The following LMO4 variants were observed in gnomAD, a reference collection of about 807,000 sequenced individuals.
The protein encoded by LMO4 is LIM domain only 4, also known as LIM domain transcription factor LMO4.
LMO4 carries 3 observed loss-of-function variants against 18.5 expected under a neutral mutation model. The ratio of observed to expected loss-of-function variants is 0.16; its 90% CI spans 0.07 to 0.42. The LOEUF is 0.42. Among genes scored for constraint, LMO4 ranks in the 10% least tolerant of loss-of-function variants. LMO4 has a pLI of 0.99. For synonymous variants in LMO4, 100 were observed against 88.1 expected, an observed-to-expected ratio of 1.14 and a Z score of -0.76; for missense variants, 121 against 219.9, an observed-to-expected ratio of 0.55 and a Z score of 2.84.
Position 87,344,919 on chromosome 1 carries a change from G to C in LMO4, c.*123G>C, listed in dbSNP as rs1570270465. The stretch of plus-strand genomic sequence containing the variant: ...GCACCAGTGCCAGCTCCATGCCATT[G>C]CACCTTCTTTAGTCTTGATTGCCCT... On this transcript the variant is annotated 3_prime_UTR_variant, in exon 5 of 5. Transcript: ENST00000370544. The C allele has an allele frequency of 1.1e-6, 1 of 900,158 alleles. No homozygotes were observed. Among genetic ancestry groups the C allele is most frequent in the Non-Finnish European group, 1.8e-6 (1 of 550,630 alleles). The allele number at this position is 900,158 out of a possible 1,614,324, so 55.8% of individuals were successfully genotyped here. A position where few individuals can be genotyped will look rare whatever the true frequency, so the allele number is the denominator to read the frequency against.
intron 2 of LMO4, among the ~76,000 whole-genome samples, chr1:87,332,547 C>T (rs1263139765): frequency 1.3e-5 from 2 of 152,238 alleles, no homozygotes; most frequent in Non-Finnish European, 2.9e-5. Context: ...TGGTCAGCCT[C>T]TACTGGACTT....
In LMO4 at chr1:87,348,654, C is replaced by G. The variant is rs1360481557; in HGVS notation, c.*3858C>G. 1 of 473,520 alleles carries G rather than the reference C, an allele frequency of 2.1e-6. No homozygotes were observed. The highest frequency in any genetic ancestry group is 4.2e-6 in the Non-Finnish European group (1 of 235,712). 29.3% of individuals were successfully genotyped at this position (473,520 alleles called of 1,614,324 possible). A position where few individuals can be genotyped will look rare whatever the true frequency, so the allele number is the denominator to read the frequency against. ...ATCGTGAACATGCTGAGAGCAATGA[C>G]AAGTCAGGGCTGATTTTTGGAAGGT... is the stretch of plus-strand genomic sequence containing the variant. On this transcript the variant is annotated 3_prime_UTR_variant, in exon 5 of 5. Transcript: ENST00000370544.
In LMO4 at chr1:87,339,566, T is replaced by C. The variant is rs1210766996; in HGVS notation, c.267T>C (p.Ala89=). 2 of 1,614,090 alleles carry C rather than the reference T, an allele frequency of 1.2e-6. No homozygotes were observed. Among genetic ancestry groups the C allele is most frequent in the South Asian group, 2.2e-5 (2 of 91,086 alleles). Residue 89 remains alanine (A), a synonymous_variant, in exon 3 of 5, where the codon GCT becomes GCC. Coordinates refer to ENST00000370544, the MANE Select transcript of LMO4 (RefSeq NM_006769.4). ...RLFGNSGACS[A]CGQSIPASEL... Reference sequence around the variant, plus strand: ...TTGGAAATAGCGGTGCTTGCAGCGCTTGCGGACAGTCGATTCCTGCGAGTG... The same window carrying C: ...TTGGAAATAGCGGTGCTTGCAGCGCCTGCGGACAGTCGATTCCTGCGAGTG...
At chr1:87,340,292 T>G in intron 4 of LMO4, 90 bp downstream of exon 4, 1 of 1,271,362 alleles carries the variant, frequency 7.9e-7, no homozygotes, top group East Asian at 2.3e-5. Flanking sequence ...CTTGGGTGGT[T>G]GTATTTTTGC....
rs1650698847 is a variant in LMO4 at position 87,348,569 on chromosome 1, G to T, written c.*3773G>T. 1 of 411,404 alleles carries T rather than the reference G, an allele frequency of 2.4e-6. No homozygotes were observed. Among genetic ancestry groups the T allele is most frequent in the East Asian group, 7.1e-5 (1 of 14,076 alleles). 25.5% of individuals were successfully genotyped at this position (411,404 alleles called of 1,614,324 possible). A position where few individuals can be genotyped will look rare whatever the true frequency, so the allele number is the denominator to read the frequency against. On this transcript the variant is annotated 3_prime_UTR_variant, in exon 5 of 5. Transcript: ENST00000370544. ...TCTGAGATCTGACTAGCAGCAAAGTGTAGCACATTCGCCGATGCTGGGTAC... is the reference window on the plus strand; with the variant it reads ...TCTGAGATCTGACTAGCAGCAAAGTTTAGCACATTCGCCGATGCTGGGTAC...
intron 4 of LMO4, 110 bp from the exon 5 acceptor site, chr1:87,344,678 C>T: frequency 9.3e-7 from 1 of 1,074,212 alleles, no homozygotes; most frequent in Non-Finnish European, 1.4e-6. Flanking sequence ...GGAAAGTAAT[C>T]TAATAAAAGA....
intron 2 of LMO4, among the ~76,000 whole-genome samples, chr1:87,337,263 G>A (rs1479560406): frequency 1.3e-5 from 2 of 152,200 alleles, no homozygotes; most frequent in Non-Finnish European, 2.9e-5. Flanking sequence ...GAAAGGTTAT[G>A]ATAGCAGCCC....
chr1:87,331,108 T>A (rs1437520584), intron 1 of LMO4: 3 of 117,042 alleles, frequency 2.6e-5, no homozygotes, highest in Non-Finnish European at 4.9e-5. Context: ...GCTTTAGCAT[T>A]TAAATTGCTG....
Position 87,331,917 on chromosome 1 carries a change from G to A in LMO4, c.-3-96G>A, listed in dbSNP as rs1650165637. 17 of 985,724 alleles carry A rather than the reference G, an allele frequency of 1.7e-5. No individual in the cohort carries two copies. In the Admixed American group the frequency reaches 3.3e-4, roughly 19 times the overall value. The allele number at this position is 985,724 out of a possible 1,614,324, so 61.1% of individuals were successfully genotyped here. ...TTTCCTTCCAGCAGCTCCGCGGGGA[G>A]GAGGGGAATGGGCTTGCTCTCTCTC... is the stretch of plus-strand genomic sequence containing the variant. On this transcript the variant is annotated intron_variant, in intron 1 of 4. Transcript: ENST00000370544.
intron 2 of LMO4, among the ~76,000 whole-genome samples, chr1:87,336,693 A>G (rs1650324607): frequency 6.6e-6 from 1 of 152,184 alleles, no homozygotes. Context: ...CATTGCCCAA[A>G]TGCTGAAATA....
chr1:87,341,159 T>C (rs939932893), intron 4 of LMO4, among the ~76,000 whole-genome samples: 1 of 152,230 alleles, frequency 6.6e-6, no homozygotes, highest in Non-Finnish European at 1.5e-5. Context: ...GTGCATAATT[T>C]TATTCACATC....
intron 2 of LMO4, among the ~76,000 whole-genome samples, chr1:87,332,717 T>A (rs144641273): frequency 6.7e-6 from 1 of 150,146 alleles, no homozygotes; most frequent in East Asian, 1.9e-4. Context: ...GATATTTACA[T>A]AAGCATCTTG....
intron 1 of LMO4, 145 bp from the exon 2 acceptor site, chr1:87,331,868 C>G (rs1187924527): frequency 1.5e-6 from 1 of 649,194 alleles, no homozygotes; most frequent in Non-Finnish European, 2.6e-6. Context: ...CCCCCTCAGC[C>G]TCCTTCCCGC....
chr1:87,336,895 C>T (rs1001073660), intron 2 of LMO4, among the ~76,000 whole-genome samples: 2 of 152,106 alleles, frequency 1.3e-5, no homozygotes, highest in Non-Finnish European at 2.9e-5. Context: ...CCTAAAGCCT[C>T]GAGCCTTTTA....
intron 2 of LMO4, among the ~76,000 whole-genome samples, chr1:87,332,826 GA>G (rs367891036): frequency 6.6e-6 from 1 of 151,102 alleles, no homozygotes; most frequent in Non-Finnish European, 1.5e-5. Flanking sequence ...TTCTTATAGA[GA>G]AAAAAAAAGT....
At chr1:87,330,628 G>A (rs887296504) in intron 1 of LMO4, among the ~76,000 whole-genome samples, 12 of 152,054 alleles carry the variant, frequency 7.9e-5, no homozygotes, top group African/African-American at 2.4e-4. Context: ...TCCTTGTTTC[G>A]TTCCTTCCTC....
At chr1:87,330,247 G>A (rs1650096352) in intron 1 of LMO4, among the ~76,000 whole-genome samples, 1 of 151,970 alleles carries the variant, frequency 6.6e-6, no homozygotes, top group Admixed American at 6.6e-5. Context: ...ATGGGGGCGG[G>A]GAAGAGCTTG....
intron 2 of LMO4, among the ~76,000 whole-genome samples, chr1:87,338,201 AT>A (rs1204494579): frequency 6.6e-6 from 1 of 152,224 alleles, no homozygotes; most frequent in African/African-American, 2.4e-5. Context: ...GCAAGACCAG[AT>A]TCTGAAAACT....
chr1:87,343,622 C>T (rs573913891), intron 4 of LMO4, among the ~76,000 whole-genome samples: 54 of 152,284 alleles, frequency 3.5e-4, no homozygotes, highest in African/African-American at 1.2e-3. Context: ...CATGTCACTT[C>T]GCAGTTCCCC....
Sources: gnomAD v4.1 joint callset for allele counts (sites outside exome capture counted in the v4.1 genomes callset) on GRCh38, gnomAD v4.1.1 for gene constraint, MANE v1.5 for transcripts, NCBI Gene and HGNC (gene_info 2026-07-23, HGNC 2026-07-21) for gene names.